Variants in AP2A2 observed in about 807,000 individuals in gnomAD.
The protein encoded by AP2A2 is adaptor related protein complex 2 subunit alpha 2, also known as AP-2 complex subunit alpha-2.
In AP2A2, 32 loss-of-function variants were observed where a neutral mutation model predicts 104.2. The observed-to-expected ratio is 0.31, with a 90% CI of 0.23 to 0.41. AP2A2 has a LOEUF of 0.41. AP2A2 is among the 10% of genes least tolerant of loss of function. The probability of loss-of-function intolerance (pLI) is 1.00; values close to 1 mark genes in which losing one functional copy is unlikely to be tolerated. For missense variants in AP2A2, 912 were observed against 1,261.0 expected (o/e 0.72, Z 4.19); for synonymous variants, 539 against 533.3 (o/e 1.01, Z -0.15).
intron 9 of AP2A2, among the ~76,000 whole-genome samples, chr11:987,940 T>C (rs1050427924): frequency 2.0e-5 from 3 of 152,250 alleles, no homozygotes; most frequent in East Asian, 1.9e-4. Context: ...GGGCTCGTGG[T>C]GGGCATTTGG....
In AP2A2 at chr11:956,276, T is replaced by G. The variant is rs113193972; in HGVS notation, c.68-3161T>G. ...CTCCTGGGTTCAAGTGATTCGTCTG[T>G]CTCAGCCTCCCAAGTAGCTGGGATT... On this transcript the variant is annotated intron_variant, in intron 1 of 21. Transcript: ENST00000448903. 1.2e-3 allele frequency among the ~76,000 whole-genome samples: 187 copies of G among 152,142 alleles called. 1 individual carries two copies. The highest frequency in any genetic ancestry group is 4.4e-3 in the African/African-American group (182 of 41,514).
chr11:1,003,345 C>A (rs1218664959), intron 15 of AP2A2, among the ~76,000 whole-genome samples: 1 of 152,246 alleles, frequency 6.6e-6, no homozygotes, highest in African/African-American at 2.4e-5. Flanking sequence ...GAGGCCCTCG[C>A]TGGGTGGAAG....
intron 1 of AP2A2, among the ~76,000 whole-genome samples, chr11:954,240 T>TG (rs1422282654): frequency 6.6e-6 from 1 of 152,180 alleles, no homozygotes; most frequent in African/African-American, 2.4e-5. Context: ...AGGCTGCACT[T>TG]GGATTCCCAC....
At chr11:985,140 T>C (rs1855407632) in intron 7 of AP2A2, among the ~76,000 whole-genome samples, 1 of 152,168 alleles carries the variant, frequency 6.6e-6, no homozygotes, top group Non-Finnish European at 1.5e-5. Flanking sequence ...CCTGCCATCA[T>C]ACCCGGCTAA....
At chr11:1,010,229 C>A (rs906701330) in intron 21 of AP2A2, 7 of 510,974 alleles carry the variant, frequency 1.4e-5, no homozygotes, top group African/African-American at 1.3e-4. Flanking sequence ...GTCTCCGTTT[C>A]ACTTGGGTGG....
chr11:992,749 TG>T lies in AP2A2; in HGVS notation c.1452+66del. ...GCAGTTGCAGAAGGTGAGCAGTGAG[TG>T]GTTCCAGCCTGCCTGCGTGGAGGTG... On this transcript the variant is annotated intron_variant, in intron 11 of 21. Transcript: ENST00000448903. The surrounding 1 kb of genome is among the most constrained non-coding windows in gnomAD (Gnocchi z 6.4). The T allele has an allele frequency of 1.3e-6, 2 of 1,587,726 alleles. No individual in the cohort carries two copies. The highest frequency in any genetic ancestry group is 1.7e-6 in the Non-Finnish European group (2 of 1,160,022).
chr11:977,595 C>G (rs1328238474), intron 5 of AP2A2, among the ~76,000 whole-genome samples: 1 of 151,376 alleles, frequency 6.6e-6, no homozygotes. Flanking sequence ...GCCTACTCCA[C>G]GGGCCAGGCC....
intron 14 of AP2A2, among the ~76,000 whole-genome samples, chr11:999,758 T>G (rs901397062): frequency 7.9e-5 from 12 of 152,168 alleles, no homozygotes; most frequent in Non-Finnish European, 1.3e-4. Context: ...GAAGCTTACT[T>G]TCTTATTGGA....
At chr11:1,002,038 A>T (rs905153892) in intron 15 of AP2A2, among the ~76,000 whole-genome samples, 6 of 152,090 alleles carry the variant, frequency 3.9e-5, no homozygotes. Flanking sequence ...CTGCATTCTC[A>T]TGGCCTTGCA....
chr11:966,977 G>A (rs1854637913), intron 2 of AP2A2, among the ~76,000 whole-genome samples: 1 of 152,130 alleles, frequency 6.6e-6, no homozygotes, highest in African/African-American at 2.4e-5. Context: ...GACCAGCCTG[G>A]CCAACATGGT....
At chr11:953,611 C>T (rs1332257702) in intron 1 of AP2A2, among the ~76,000 whole-genome samples, 3 of 130,992 alleles carry the variant, frequency 2.3e-5, no homozygotes, top group Non-Finnish European at 3.5e-5. Context: ...TCCCTGGCTC[C>T]GTCCTGGCTC....
At chr11:952,660 A>G (rs1397114328) in intron 1 of AP2A2, among the ~76,000 whole-genome samples, 4 of 152,140 alleles carry the variant, frequency 2.6e-5, no homozygotes, top group Non-Finnish European at 5.9e-5. Flanking sequence ...AACAAAGATC[A>G]GACTGTGTGT....
At chr11:931,802 GTTTTT>G (rs138261185) in intron 1 of AP2A2, among the ~76,000 whole-genome samples, 1 of 125,160 alleles carries the variant, frequency 8.0e-6, no homozygotes. Flanking sequence ...TCCATTTCTT[GTTTTT>G]TTTTTTTTTT....
intron 1 of AP2A2, among the ~76,000 whole-genome samples, chr11:926,813 C>T (rs1347384380): frequency 6.6e-6 from 1 of 152,166 alleles, no homozygotes; most frequent in Non-Finnish European, 1.5e-5. Context: ...AGCCCCGTGC[C>T]TGTCCCCTCG....
intron 1 of AP2A2, among the ~76,000 whole-genome samples, chr11:949,544 A>C (rs1318628731): frequency 1.3e-5 from 2 of 152,140 alleles, no homozygotes; most frequent in Non-Finnish European, 2.9e-5. Flanking sequence ...TCGGAGGCCG[A>C]GGCGGGTGGA....
Position 984,557 on chromosome 11 carries a change from C to T in AP2A2, c.706-88C>T, listed in dbSNP as rs1264751404. The T allele has an allele frequency of 2.7e-6, 3 of 1,103,236 alleles. No homozygotes were observed. The African/African-American group carries it at 4.6e-5, about 17-fold the overall frequency. The allele number at this position is 1,103,236 out of a possible 1,614,324, so 68.3% of individuals were successfully genotyped here. On this transcript the variant is annotated intron_variant, in intron 6 of 21. Coordinates refer to ENST00000448903, the MANE Select transcript of AP2A2 (RefSeq NM_012305.4). ...AACCATTTTTCCAGCTCAGGCGTGA[C>T]CCGAGGAGTGAGTATGGCTTTTCTT...
chr11:983,017 CTTTTTTT>C (rs56742889), intron 6 of AP2A2, among the ~76,000 whole-genome samples: 3 of 82,388 alleles, frequency 3.6e-5, no homozygotes, highest in African/African-American at 9.4e-5. Context: ...TTTTCTTTTT[CTTTTTTT>C]TTTTTTTTTT....
Position 925,974 on chromosome 11 carries a change from C to T in AP2A2, c.-48C>T, listed in dbSNP as rs1221426741. 2.2e-6 allele frequency: 3 copies of T among 1,355,196 alleles called. No individual in the cohort carries two copies. The highest frequency in any genetic ancestry group is 2.9e-6 in the Non-Finnish European group (3 of 1,032,718). The allele number at this position is 1,355,196 out of a possible 1,614,324, so 83.9% of individuals were successfully genotyped here. On this transcript the variant is annotated 5_prime_UTR_variant, in exon 1 of 22. Transcript: ENST00000448903. ...CACTCCCCGCTTCCCGCTCCCCGCG[C>T]TCCTCCGCCCGGGTCCGCCAGCCGA...
At chr11:971,572 G>C (rs575081884) in intron 3 of AP2A2, among the ~76,000 whole-genome samples, 3 of 152,232 alleles carry the variant, frequency 2.0e-5, no homozygotes, top group African/African-American at 7.2e-5. Flanking sequence ...ACTGGGGTTT[G>C]CCCTGGGTCA....
Sources: gnomAD v4.1 joint callset for allele counts (sites outside exome capture counted in the v4.1 genomes callset) on GRCh38, gnomAD v4.1.1 for gene constraint, Gnocchi (gnomAD v3.1) non-coding constraint, MANE v1.5 for transcripts, NCBI Gene and HGNC (gene_info 2026-07-23, HGNC 2026-07-21) for gene names.